OTOGL: variants seen among roughly 807,000 people sequenced by gnomAD.
The protein encoded by OTOGL is otogelin like.
OTOGL carries 285 observed loss-of-function variants against 318.5 expected under a neutral mutation model. The ratio of observed to expected loss-of-function variants is 0.89; its 90% confidence interval spans 0.81 to 0.99. OTOGL has a LOEUF of 0.99. OTOGL is among the 50% of genes least tolerant of loss of function. The pLI is 0.00. For missense variants in OTOGL, 2,899 were observed against 2,845.6 expected (o/e 1.02, Z -0.43); for synonymous variants, 987 against 936.5 (o/e 1.05, Z -0.99).
chr12:80,351,873 T>C (rs1393159090), intron 44 of OTOGL, among the ~76,000 whole-genome samples: 3 of 152,214 alleles, frequency 2.0e-5, no homozygotes, highest in Non-Finnish European at 4.4e-5. Context: ...TGAATATTAA[T>C]AAAAGTTTTG....
At chr12:80,317,479 G>T (rs1045955619) in intron 32 of OTOGL, among the ~76,000 whole-genome samples, 21 of 152,070 alleles carry the variant, frequency 1.4e-4, no homozygotes, top group African/African-American at 4.8e-4. Context: ...GAGAGATTTT[G>T]TTTCTCTGTC....
chr12:80,163,478 A>G (rs1248014242), intron 1 of OTOGL, among the ~76,000 whole-genome samples: 2 of 152,122 alleles, frequency 1.3e-5, no homozygotes, highest in African/African-American at 2.4e-5. Context: ...TTCTGAGATC[A>G]TAGGGGTAGT....
In OTOGL at chr12:80,295,355, T is replaced by C. The variant is rs566659250; in HGVS notation, c.2929-1472T>C. ...CCATGCCTGGCTAATTTTTGCATTTTTAGTAGAGACTGGGTTTTGCCATGT... is the reference window on the plus strand; with the variant it reads ...CCATGCCTGGCTAATTTTTGCATTTCTAGTAGAGACTGGGTTTTGCCATGT... On this transcript the variant is annotated intron_variant, in intron 26 of 58. Coordinates refer to ENST00000547103, the MANE Select transcript of OTOGL (RefSeq NM_001378609.3). Among the ~76,000 whole-genome samples the C allele has an allele frequency of 2.0e-5, 3 of 152,142 alleles. 1 individual carries two copies. Among genetic ancestry groups the C allele is most frequent in the African/African-American group, 7.2e-5 (3 of 41,486 alleles).
intron 52 of OTOGL, 76 bp downstream of exon 52, chr12:80,358,976 A>G: frequency 1.7e-6 from 2 of 1,211,774 alleles, no homozygotes; most frequent in Non-Finnish European, 2.3e-6. Flanking sequence ...TCTCATTTCT[A>G]AATTCTTCTT....
At chr12:80,265,899 T>C (rs967929332) in intron 20 of OTOGL, 1 of 152,660 alleles carries the variant, frequency 6.6e-6, no homozygotes, top group African/African-American at 2.4e-5. Context: ...GTAATGTAAA[T>C]TCATATACCA....
chr12:80,350,159 G>A (rs948599644), intron 44 of OTOGL, among the ~76,000 whole-genome samples: 2 of 152,102 alleles, frequency 1.3e-5, no homozygotes, highest in African/African-American at 4.8e-5. Context: ...TGTAGTATTT[G>A]TTTTCCTGTG....
chr12:80,117,544 C>T (rs1344467318), intron 1 of OTOGL, among the ~76,000 whole-genome samples: 2 of 152,118 alleles, frequency 1.3e-5, no homozygotes, highest in Non-Finnish European at 2.9e-5. Context: ...CCTGAAATAG[C>T]CACCTGATGT....
chr12:80,149,793 G>A (rs1400485255), intron 1 of OTOGL, among the ~76,000 whole-genome samples: 1 of 152,206 alleles, frequency 6.6e-6, no homozygotes, highest in East Asian at 1.9e-4. Context: ...TAAGCCCGTC[G>A]GAAAAGCGCA....
At chr12:80,377,615 A>G (rs1280843912) in intron 58 of OTOGL, among the ~76,000 whole-genome samples, 2 of 152,142 alleles carry the variant, frequency 1.3e-5, no homozygotes, top group East Asian at 1.9e-4. Context: ...ATGTTGAGTT[A>G]TGTGTGCACA....
At chr12:80,189,519 T>C in intron 1 of OTOGL, 2 of 917,154 alleles carry the variant, frequency 2.2e-6, no homozygotes, top group Non-Finnish European at 2.6e-6. Context: ...TACTAATTCA[T>C]TTCTTGGAAG....
At chr12:80,137,104 C>G (rs1231357698) in intron 1 of OTOGL, among the ~76,000 whole-genome samples, 1 of 152,130 alleles carries the variant, frequency 6.6e-6, no homozygotes, top group Non-Finnish European at 1.5e-5. Flanking sequence ...TCTCCAACAA[C>G]AAGACAGAGC....
intron 18 of OTOGL, among the ~76,000 whole-genome samples, 193 bp downstream of exon 18, chr12:80,258,195 A>C (rs1406349515): frequency 1.3e-5 from 2 of 152,158 alleles, no homozygotes; most frequent in Non-Finnish European, 2.9e-5. Context: ...GAAACTAATC[A>C]AGTCCTCAAA....
chr12:80,222,012 C>A, intron 6 of OTOGL, 79 bp from the exon 7 acceptor site: 1 of 1,405,046 alleles, frequency 7.1e-7, no homozygotes, highest in South Asian at 1.4e-5. Flanking sequence ...AAATTAGAAT[C>A]ATTTACCATG....
At chr12:80,288,488 G>A (rs1325217751) in intron 26 of OTOGL, among the ~76,000 whole-genome samples, 1 of 152,134 alleles carries the variant, frequency 6.6e-6, no homozygotes, top group Non-Finnish European at 1.5e-5. Context: ...ATCCTGAGGT[G>A]TGTTTTCCAG....
chr12:80,149,777 G>C (rs149011995), intron 1 of OTOGL, among the ~76,000 whole-genome samples: 1 of 152,200 alleles, frequency 6.6e-6, no homozygotes, highest in South Asian at 2.1e-4. Flanking sequence ...GTGGTGCACC[G>C]TTTTTTAAGC....
intron 1 of OTOGL, among the ~76,000 whole-genome samples, chr12:80,108,093 A>G (rs1379599778): frequency 6.6e-6 from 1 of 152,154 alleles, no homozygotes; most frequent in Non-Finnish European, 1.5e-5. Flanking sequence ...CCCCAAAACT[A>G]AAATAAAAGT....
chr12:80,163,483 G>A (rs1436963279), intron 1 of OTOGL, among the ~76,000 whole-genome samples: 3 of 152,026 alleles, frequency 2.0e-5, no homozygotes, highest in Non-Finnish European at 1.5e-5. Context: ...AGATCATAGG[G>A]GTAGTTAGTA....
At chr12:80,250,284 AT>A (rs1881420495) in intron 11 of OTOGL, among the ~76,000 whole-genome samples, 1 of 151,946 alleles carries the variant, frequency 6.6e-6, no homozygotes, top group South Asian at 2.1e-4. Flanking sequence ...GTAAATTATA[AT>A]TTTTTTCTTG....
chr12:80,219,581 C>G lies in OTOGL; in HGVS notation c.236-233C>G, dbSNP rs1878095420. ...TGCTTGAAAGGAGCTAACCTTTGCTCTCAGGGTAGTCTGAGATGTGAAAGC... is the reference window on the plus strand; with the variant it reads ...TGCTTGAAAGGAGCTAACCTTTGCTGTCAGGGTAGTCTGAGATGTGAAAGC... On this transcript the variant is annotated intron_variant, in intron 5 of 58. Coordinates refer to ENST00000547103, the MANE Select transcript of OTOGL (RefSeq NM_001378609.3). 3.3e-5 allele frequency among the ~76,000 whole-genome samples: 5 copies of G among 152,276 alleles called. No homozygotes were observed. The South Asian group carries it at 1.0e-3, about 32-fold the overall frequency.
Sources: gnomAD v4.1 joint callset for allele counts (sites outside exome capture counted in the v4.1 genomes callset) on GRCh38, gnomAD v4.1.1 for gene constraint, MANE v1.5 for transcripts, NCBI Gene and HGNC (gene_info 2026-07-23, HGNC 2026-07-21) for gene names.